Variants in KAZN observed in about 807,000 individuals in gnomAD.
KAZN encodes the protein kazrin, periplakin interacting protein, also known as kazrin.
In KAZN, 40 loss-of-function variants were observed where a neutral mutation model predicts 87.4. The ratio of observed to expected loss-of-function variants is 0.46; its 90% confidence interval spans 0.36 to 0.60. KAZN has a LOEUF of 0.60. Among genes scored for constraint, KAZN ranks in the 20% least tolerant of loss-of-function variants. The pLI is 0.00. For missense variants in KAZN, 898 were observed against 1,073.9 expected (o/e 0.84, Z 2.29); for synonymous variants, 466 against 458.3 (o/e 1.02, Z -0.22).
chr1:14,793,490 C>A (rs912273244), intron 1 of KAZN, among the ~76,000 whole-genome samples: 1 of 152,196 alleles, frequency 6.6e-6, no homozygotes, highest in African/African-American at 2.4e-5. Flanking sequence ...TGGCCCCAAA[C>A]CAATTCATTC....
chr1:14,291,328 C>T (rs1165377380), intron 2 of KAZN, among the ~76,000 whole-genome samples: 1 of 152,194 alleles, frequency 6.6e-6, no homozygotes, highest in Non-Finnish European at 1.5e-5. Context: ...GCTGAGCTCC[C>T]GTGGCCTCCA....
intron 1 of KAZN, among the ~76,000 whole-genome samples, chr1:14,688,443 C>T (rs1641085704): frequency 6.6e-6 from 1 of 152,222 alleles, no homozygotes; most frequent in Non-Finnish European, 1.5e-5. Flanking sequence ...GCACACTCAT[C>T]ACGTGCCCGG....
intron 2 of KAZN, among the ~76,000 whole-genome samples, chr1:14,315,873 T>C (rs1655620114): frequency 6.6e-6 from 1 of 151,602 alleles, no homozygotes; most frequent in Admixed American, 6.6e-5. Flanking sequence ...CATGTACAAG[T>C]CTTTGTATGA....
intron 2 of KAZN, among the ~76,000 whole-genome samples, chr1:14,230,048 C>T (rs557298409): frequency 9.8e-5 from 15 of 152,366 alleles, no homozygotes; most frequent in South Asian, 2.1e-4. Flanking sequence ...CAGCCACTAA[C>T]GTCATGTGGG....
chr1:14,567,101 T>C (rs1674588413), intron 2 of KAZN, among the ~76,000 whole-genome samples: 2 of 152,342 alleles, frequency 1.3e-5, no homozygotes, highest in African/African-American at 4.8e-5. Flanking sequence ...CTCACTAAGC[T>C]TAATCATTTC....
chr1:14,428,386 C>T (rs1480983548), intron 2 of KAZN, among the ~76,000 whole-genome samples: 1 of 152,016 alleles, frequency 6.6e-6, no homozygotes, highest in Non-Finnish European at 1.5e-5. Context: ...TAGACAGTCC[C>T]TGTGATTTCT....
At chr1:14,413,519 G>A (rs1274288674) in intron 2 of KAZN, among the ~76,000 whole-genome samples, 2 of 149,806 alleles carry the variant, frequency 1.3e-5, no homozygotes, top group Non-Finnish European at 1.5e-5. Flanking sequence ...GAAACCGGAG[G>A]CGGAGCTTGC....
intron 2 of KAZN, among the ~76,000 whole-genome samples, chr1:14,583,125 C>T (rs892183901): frequency 7.2e-5 from 11 of 152,164 alleles, no homozygotes; most frequent in African/African-American, 2.4e-4. Flanking sequence ...ATTGTCATTC[C>T]GCAGATGAGA....
At chr1:14,415,044 C>T (rs768884490) in intron 2 of KAZN, among the ~76,000 whole-genome samples, 3 of 151,850 alleles carry the variant, frequency 2.0e-5, no homozygotes, top group Non-Finnish European at 4.4e-5. Flanking sequence ...TAAATACGTA[C>T]GTACATACAT....
intron 4 of KAZN, among the ~76,000 whole-genome samples, chr1:15,049,777 A>G (rs925246808): frequency 1.3e-5 from 2 of 152,060 alleles, no homozygotes; most frequent in African/African-American, 4.8e-5. Flanking sequence ...TAATCCCAGC[A>G]CTTTGGGGAG....
At chr1:14,514,839 T>C (rs1671219183) in intron 2 of KAZN, among the ~76,000 whole-genome samples, 1 of 151,592 alleles carries the variant, frequency 6.6e-6, no homozygotes, top group Non-Finnish European at 1.5e-5. Context: ...CCTGATACAA[T>C]TGTTGTTCCA....
intron 1 of KAZN, among the ~76,000 whole-genome samples, chr1:14,150,285 A>G (rs1246844437): frequency 6.6e-6 from 1 of 152,194 alleles, no homozygotes. Flanking sequence ...GCTTAGCTTA[A>G]ATGGGTGCCA....
At chr1:14,019,099 G>A (rs1011975094) in intron 1 of KAZN, among the ~76,000 whole-genome samples, 2 of 152,108 alleles carry the variant, frequency 1.3e-5, no homozygotes, top group Non-Finnish European at 2.9e-5. Context: ...AATTAGTACT[G>A]ACCAACAAAA....
intron 2 of KAZN, among the ~76,000 whole-genome samples, chr1:14,477,686 A>G (rs772421992): frequency 5.3e-5 from 8 of 152,140 alleles, no homozygotes; most frequent in Non-Finnish European, 1.0e-4. Flanking sequence ...ACAGACCCAG[A>G]GTCCCTGCCA....
intron 2 of KAZN, among the ~76,000 whole-genome samples, chr1:14,309,741 A>T (rs373336855): frequency 1.3e-4 from 20 of 151,952 alleles, no homozygotes; most frequent in African/African-American, 2.9e-4. Flanking sequence ...TAACTTTCTT[A>T]AAAAAAATTG....
chr1:14,392,263 A>G (rs188472109), intron 2 of KAZN, among the ~76,000 whole-genome samples: 7 of 152,332 alleles, frequency 4.6e-5, no homozygotes, highest in African/African-American at 1.7e-4. Context: ...AAGAAAAGGT[A>G]AGTGTATATG....
At chr1:14,966,692 T>C (rs1253177656) in intron 2 of KAZN, among the ~76,000 whole-genome samples, 1 of 152,112 alleles carries the variant, frequency 6.6e-6, no homozygotes, top group Non-Finnish European at 1.5e-5. Context: ...TCTTTTGAGA[T>C]AGAGTCTTGC....
intron 1 of KAZN, among the ~76,000 whole-genome samples, chr1:14,707,486 G>A (rs889919971): frequency 1.3e-5 from 2 of 152,132 alleles, no homozygotes; most frequent in South Asian, 2.1e-4. Context: ...TGTCTTAAAA[G>A]GTCTCTTTCT....
intron 1 of KAZN, among the ~76,000 whole-genome samples, chr1:14,688,293 C>A (rs10927503): frequency 0.023 from 3,431 of 152,264 alleles, 144 homozygotes; most frequent in African/African-American, 0.079. Context: ...CCTCGCTGGG[C>A]CTGTTTCTCA....
Sources: gnomAD v4.1 joint callset for allele counts (sites outside exome capture counted in the v4.1 genomes callset) on GRCh38, gnomAD v4.1.1 for gene constraint, MANE v1.5 for transcripts, NCBI Gene and HGNC (gene_info 2026-07-23, HGNC 2026-07-21) for gene names.